The following CLEC16A variants were observed in gnomAD, a reference collection of about 807,000 sequenced individuals.
CLEC16A encodes protein CLEC16A.
In CLEC16A, 51 loss-of-function variants were observed where a neutral mutation model predicts 109.5. The ratio of observed to expected loss-of-function variants is 0.47; its 90% CI spans 0.37 to 0.59. The LOEUF (loss-of-function observed/expected upper bound fraction) is 0.59, where lower values mean the gene tolerates loss of function less well. CLEC16A is among the 20% of genes least tolerant of loss of function. The probability of loss-of-function intolerance (pLI) is 0.00; values close to 1 mark genes in which losing one functional copy is unlikely to be tolerated. For missense variants in CLEC16A, 1,339 were observed against 1,394.0 expected (o/e 0.96, Z 0.63); for synonymous variants, 673 against 564.2 (o/e 1.19, Z -2.73).
At chr16:11,175,760 T>A (rs1200309327) in intron 23 of CLEC16A, among the ~76,000 whole-genome samples, 1 of 152,218 alleles carries the variant, frequency 6.6e-6, no homozygotes, top group African/African-American at 2.4e-5. Context: ...ATGCTATTGT[T>A]AGTTGGTTTG....
rs540406837 is a variant in CLEC16A at position 10,949,597 on chromosome 16, G to A, written c.80+4800G>A. The stretch of plus-strand genomic sequence containing the variant: ...AGTGAGGACCCAAGCTCAGAGCCAT[G>A]CTTGGCAGTCTCCAGAGGCCAGGTC... On this transcript the variant is annotated intron_variant, in intron 1 of 23. Coordinates refer to ENST00000409790, the MANE Select transcript of CLEC16A (RefSeq NM_015226.3). Among the ~76,000 whole-genome samples, 8 of 21,110 alleles carry A rather than the reference G, an allele frequency of 3.8e-4. 1 individual carries two copies. The South Asian group carries it at 0.024, about 64-fold the overall frequency. The allele number at this position is 21,110 out of a possible 152,430, so 13.8% of individuals were successfully genotyped here.
intron 19 of CLEC16A, among the ~76,000 whole-genome samples, chr16:11,078,997 G>C (rs1197567710): frequency 6.6e-6 from 1 of 152,092 alleles, no homozygotes; most frequent in African/African-American, 2.4e-5. Flanking sequence ...CTCGAGCCTT[G>C]GGCACCTGTC....
chr16:11,026,922 C>A (rs531224229), intron 13 of CLEC16A: 3 of 972,618 alleles, frequency 3.1e-6, no homozygotes, highest in Non-Finnish European at 4.8e-6. Flanking sequence ...GGTCCTCCAG[C>A]GTGAGCTAGA....
At chr16:11,027,243 G>A (rs2046459918) in intron 13 of CLEC16A, 6 of 1,538,586 alleles carry the variant, frequency 3.9e-6, no homozygotes, top group Middle Eastern at 1.7e-4. Context: ...ACGACTAGAA[G>A]TGAAACCTCA....
At chr16:11,079,504 C>T (rs1398765520) in intron 19 of CLEC16A, among the ~76,000 whole-genome samples, 2 of 152,202 alleles carry the variant, frequency 1.3e-5, no homozygotes, top group Non-Finnish European at 2.9e-5. Context: ...GTGAGATAGA[C>T]TTTCTTTCCT....
intron 19 of CLEC16A, among the ~76,000 whole-genome samples, chr16:11,076,291 G>T (rs534033413): frequency 1.5e-3 from 234 of 152,290 alleles, no homozygotes; most frequent in African/African-American, 5.4e-3. Context: ...TGGGCCACCG[G>T]CTTCAGGGTG....
rs138537363 is a variant in CLEC16A, at chr16:11,157,001, A to C, written c.2642-9387A>C. On this transcript the variant is annotated intron_variant, in intron 22 of 23. Coordinates refer to ENST00000409790, the MANE Select transcript of CLEC16A (RefSeq NM_015226.3). ...CACAGGCAGACCTTCACCCGACAGCAAAAACATTTCTAAGGGCACAATTAG... is the reference window on the plus strand; with the variant it reads ...CACAGGCAGACCTTCACCCGACAGCCAAAACATTTCTAAGGGCACAATTAG... 8.4e-4 allele frequency: 1,019 copies of C among 1,216,460 alleles called. 11 individuals are homozygous for C. In the African/African-American group the frequency reaches 0.015, roughly 18 times the overall value. The allele number at this position is 1,216,460 out of a possible 1,614,324, so 75.4% of individuals were successfully genotyped here. A position where few individuals can be genotyped will look rare whatever the true frequency, so the allele number is the denominator to read the frequency against.
chr16:11,084,356 C>A (rs1054769814), intron 19 of CLEC16A, among the ~76,000 whole-genome samples: 2 of 152,004 alleles, frequency 1.3e-5, no homozygotes, highest in African/African-American at 4.8e-5. Flanking sequence ...ATGTGGGTAC[C>A]AAGCTGCTTG....
intron 22 of CLEC16A, among the ~76,000 whole-genome samples, chr16:11,137,541 A>C (rs1052030889): frequency 2.1e-5 from 3 of 139,742 alleles, no homozygotes; most frequent in East Asian, 4.5e-4. Flanking sequence ...GGATCACCTG[A>C]GGTCAGGAGT....
chr16:11,113,483 A>G (rs893937501), intron 19 of CLEC16A, among the ~76,000 whole-genome samples: 1 of 151,924 alleles, frequency 6.6e-6, no homozygotes, highest in Non-Finnish European at 1.5e-5. Context: ...ACATGGCACA[A>G]CCCCATCTCT....
chr16:11,000,596 C>T (rs1402057673), intron 10 of CLEC16A, among the ~76,000 whole-genome samples: 1 of 152,168 alleles, frequency 6.6e-6, no homozygotes, highest in African/African-American at 2.4e-5. Flanking sequence ...CTGATGGATG[C>T]TGTCTGTCAA....
At chr16:11,006,397 C>T (rs1263593754) in intron 11 of CLEC16A, among the ~76,000 whole-genome samples, 1 of 152,344 alleles carries the variant, frequency 6.6e-6, no homozygotes, top group African/African-American at 2.4e-5. Flanking sequence ...GGGTACTCCC[C>T]TTCTCTCTCA....
At chr16:10,985,220 A>AATATATATATATATAT (rs57265284) in intron 10 of CLEC16A, among the ~76,000 whole-genome samples, 1 of 104,088 alleles carries the variant, frequency 9.6e-6, no homozygotes, top group African/African-American at 4.6e-5. Context: ...AAAAAAAAAA[A>AATATATATATATATAT]ATATATATAT....
chr16:11,126,320 A>G, intron 22 of CLEC16A, 174 bp downstream of exon 22: 2 of 1,496,446 alleles, frequency 1.3e-6, no homozygotes, highest in Non-Finnish European at 1.8e-6. Flanking sequence ...CACAGCCCCC[A>G]AAATAAATTT....
At chr16:11,086,400 G>C (rs978279841) in intron 19 of CLEC16A, among the ~76,000 whole-genome samples, 3 of 152,258 alleles carry the variant, frequency 2.0e-5, no homozygotes, top group African/African-American at 7.2e-5. Flanking sequence ...TGAGGATTCA[G>C]TGATGCGATC....
At position 10,944,685 on chromosome 16, in the gene CLEC16A, C is replaced by G. The variant is rs754891943; in HGVS notation, c.-33C>G. 1 of 1,582,548 alleles carries G rather than the reference C, an allele frequency of 6.3e-7. No homozygotes were observed. Among genetic ancestry groups the G allele is most frequent in the African/African-American group, 1.3e-5 (1 of 74,396 alleles). On this transcript the variant is annotated 5_prime_UTR_variant, in exon 1 of 24. Transcript: ENST00000409790. ...GCCGCTCTGCTGGTCCGGCATGAGACCGTGAGACGAGAGACGGGTCGGGGC... is the reference window on the plus strand; with the variant it reads ...GCCGCTCTGCTGGTCCGGCATGAGAGCGTGAGACGAGAGACGGGTCGGGGC...
At chr16:11,043,905 A>T (rs541124734) in intron 15 of CLEC16A, 123 bp from the exon 16 acceptor site, 3 of 614,128 alleles carry the variant, frequency 4.9e-6, no homozygotes, top group East Asian at 3.0e-5. Flanking sequence ...ACACCATTTT[A>T]TACATTAAGG....
intron 17 of CLEC16A, among the ~76,000 whole-genome samples, chr16:11,049,633 G>A (rs542713238): frequency 7.9e-5 from 12 of 152,340 alleles, no homozygotes; most frequent in Admixed American, 6.5e-4. Flanking sequence ...TGAGTGGAAG[G>A]GGGTGGGGAC....
intron 19 of CLEC16A, among the ~76,000 whole-genome samples, chr16:11,073,715 C>G (rs1424878735): frequency 6.6e-6 from 1 of 152,226 alleles, no homozygotes; most frequent in African/African-American, 2.4e-5. Context: ...CCTCCTTCCT[C>G]CTGCTCCACG....
Sources: allele counts gnomAD v4.1 joint callset (sites outside exome capture counted in the v4.1 genomes callset), GRCh38; gene constraint gnomAD v4.1.1; transcripts MANE v1.5; gene names NCBI Gene and HGNC (gene_info 2026-07-23, HGNC 2026-07-21).